The following RARB variants were observed in gnomAD, a reference collection of about 807,000 sequenced individuals.
RARB encodes the protein HBV-activated protein.
A neutral mutation model predicts 51.9 loss-of-function variants in RARB; 17 were observed. The observed-to-expected ratio is 0.33, with a 90% CI of 0.22 to 0.49. The LOEUF (loss-of-function observed/expected upper bound fraction) is 0.49. Among genes scored for constraint, RARB ranks in the 20% least tolerant of loss-of-function variants. RARB has a pLI of 0.99. For synonymous variants in RARB, 215 were observed against 195.4 expected (o/e 1.10, Z -0.84); for missense variants, 369 against 550.8 (o/e 0.67, Z 3.30).
intron 2 of RARB, among the ~76,000 whole-genome samples, chr3:24,946,717 A>G (rs1269662048): frequency 1.3e-5 from 2 of 152,084 alleles, no homozygotes; most frequent in Admixed American, 1.3e-4. Flanking sequence ...AAAAATAGAT[A>G]AAACTTAGCC....
intron 2 of RARB, among the ~76,000 whole-genome samples, chr3:24,903,340 T>C (rs1349757749): frequency 6.6e-6 from 1 of 152,272 alleles, no homozygotes; most frequent in Admixed American, 6.5e-5. Context: ...TAAGAAAAAG[T>C]AATAATGTAA....
intron 5 of RARB, among the ~76,000 whole-genome samples, chr3:25,290,303 G>C (rs1703755635): frequency 6.6e-6 from 1 of 152,066 alleles, no homozygotes; most frequent in Non-Finnish European, 1.5e-5. Context: ...GACAAGATTA[G>C]GACACAGGCA....
intron 5 of RARB, among the ~76,000 whole-genome samples, chr3:25,291,730 C>T (rs1703793149): frequency 6.6e-6 from 1 of 152,040 alleles, no homozygotes; most frequent in African/African-American, 2.4e-5. Context: ...GATTGAAAGT[C>T]AGCCTTTTCT....
chr3:25,421,271 T>C (rs1042774548), intron 5 of RARB, among the ~76,000 whole-genome samples: 1 of 152,180 alleles, frequency 6.6e-6, no homozygotes, highest in South Asian at 2.1e-4. Context: ...GCCTGAAATG[T>C]GCATTCTGGT....
chr3:24,917,379 G>T (rs1559395374), intron 2 of RARB, among the ~76,000 whole-genome samples: 1 of 152,148 alleles, frequency 6.6e-6, no homozygotes, highest in African/African-American at 2.4e-5. Context: ...CAGATCACAG[G>T]CTGTAAGAAA....
intron 5 of RARB, among the ~76,000 whole-genome samples, chr3:25,272,504 C>T (rs909343188): frequency 6.6e-6 from 1 of 152,212 alleles, no homozygotes; most frequent in African/African-American, 2.4e-5. Context: ...TGGATCCGTT[C>T]CTACATCACT....
intron 4 of RARB, among the ~76,000 whole-genome samples, chr3:25,156,667 A>G (rs9868478): frequency 0.042 from 6,446 of 152,150 alleles, 428 homozygotes; most frequent in African/African-American, 0.14. Context: ...TCGTTCCTAC[A>G]ACACATTAAA....
At chr3:25,327,037 T>G (rs1559358536) in intron 5 of RARB, among the ~76,000 whole-genome samples, 1 of 151,986 alleles carries the variant, frequency 6.6e-6, no homozygotes, top group East Asian at 1.9e-4. Context: ...CCCCTTCCTG[T>G]GTCCATGTGT....
intron 4 of RARB, among the ~76,000 whole-genome samples, chr3:25,161,300 G>A (rs1199553164): frequency 6.6e-6 from 1 of 151,650 alleles, no homozygotes; most frequent in Admixed American, 6.6e-5. Flanking sequence ...TCCTGCCTCA[G>A]CCTCCCAAAG....
At chr3:25,419,136 A>G (rs990893172) in intron 5 of RARB, among the ~76,000 whole-genome samples, 5 of 152,006 alleles carry the variant, frequency 3.3e-5, no homozygotes, top group African/African-American at 7.2e-5. Context: ...GCTGGGGGGA[A>G]TTTAGCAAGG....
intron 5 of RARB, among the ~76,000 whole-genome samples, chr3:25,213,804 C>G (rs1263613385): frequency 2.6e-5 from 4 of 152,146 alleles, no homozygotes; most frequent in African/African-American, 9.7e-5. Context: ...TTTAAAATGG[C>G]AAGGGAGGGC....
intron 5 of RARB, among the ~76,000 whole-genome samples, chr3:25,299,356 C>T (rs562239526): frequency 3.9e-5 from 6 of 152,242 alleles, no homozygotes; most frequent in South Asian, 2.1e-4. Flanking sequence ...CACCACCATG[C>T]GTGGCTAATT....
intron 5 of RARB, among the ~76,000 whole-genome samples, chr3:25,247,410 G>A (rs561977092): frequency 3.9e-4 from 60 of 152,164 alleles, no homozygotes; most frequent in Non-Finnish European, 7.6e-4. Context: ...TGTCCAAACG[G>A]CCACCCAGTT....
At chr3:24,861,803 GAA>G (rs2125342458) in intron 2 of RARB, among the ~76,000 whole-genome samples, 1 of 152,208 alleles carries the variant, frequency 6.6e-6, no homozygotes, top group Admixed American at 6.5e-5. Context: ...GGATGAGCGT[GAA>G]AAAGACAAGT....
At chr3:25,231,372 G>A (rs1033791064) in intron 5 of RARB, among the ~76,000 whole-genome samples, 1 of 152,232 alleles carries the variant, frequency 6.6e-6, no homozygotes, top group East Asian at 1.9e-4. Flanking sequence ...GAAGCACCAA[G>A]ACAAGGTACC....
intron 2 of RARB, among the ~76,000 whole-genome samples, chr3:25,006,587 C>T (rs902831270): frequency 6.6e-6 from 1 of 152,178 alleles, no homozygotes; most frequent in East Asian, 1.9e-4. Context: ...AAATCTGATA[C>T]CTTGTTTCTA....
At chr3:24,875,009 A>C (rs988854665) in intron 2 of RARB, among the ~76,000 whole-genome samples, 3 of 152,090 alleles carry the variant, frequency 2.0e-5, no homozygotes, top group African/African-American at 7.2e-5. Context: ...CTCCCAAACA[A>C]TATGTAAACC....
intron 2 of RARB, among the ~76,000 whole-genome samples, chr3:24,929,770 A>G (rs1005131230): frequency 2.6e-5 from 4 of 152,096 alleles, no homozygotes; most frequent in African/African-American, 4.8e-5. Context: ...GCTGTTGTCA[A>G]TGTGGCCTGG....
In RARB at chr3:25,428,940, T is replaced by A. The variant is rs1385264532; in HGVS notation, c.157+52T>A. On this transcript the variant is annotated intron_variant, in intron 1 of 7. Coordinates refer to ENST00000330688, the MANE Select transcript of RARB (RefSeq NM_000965.5). The stretch of plus-strand genomic sequence containing the variant: ...ACCAAGAAAAAAAAAATTGTCTCTC[T>A]TGCATGCAATAAAGACGTTGGAAAT... 2.6e-6 allele frequency: 4 copies of A among 1,544,770 alleles called. No individual in the cohort carries two copies. In the African/African-American group the frequency reaches 4.1e-5, roughly 16 times the overall value.
Sources: gnomAD v4.1 joint callset for allele counts (sites outside exome capture counted in the v4.1 genomes callset) on GRCh38, gnomAD v4.1.1 for gene constraint, MANE v1.5 for transcripts, NCBI Gene and HGNC (gene_info 2026-07-23, HGNC 2026-07-21) for gene names.